The following MAP2K4 variants were observed in gnomAD, a reference collection of about 807,000 sequenced individuals.
MAP2K4 encodes the protein dual specificity mitogen-activated protein kinase kinase 4.
In MAP2K4, 4 loss-of-function variants were observed where a neutral mutation model predicts 48.5. The ratio of observed to expected loss-of-function variants is 0.08; its 90% confidence interval spans 0.04 to 0.19. The LOEUF is 0.19. Among genes scored for constraint, MAP2K4 ranks in the 10% least tolerant of loss-of-function variants. MAP2K4 has a pLI of 1.00. For missense variants in MAP2K4, 258 were observed against 493.3 expected (o/e 0.52, Z 4.52); for synonymous variants, 166 against 173.1 (o/e 0.96, Z 0.32).
chr17:12,112,632 T>A (rs1329517926), intron 6 of MAP2K4, among the ~76,000 whole-genome samples: 1 of 152,146 alleles, frequency 6.6e-6, no homozygotes, highest in Non-Finnish European at 1.5e-5. Flanking sequence ...TATTTTTTAT[T>A]CATTGAGCCA....
chr17:12,033,070 A>G lies in MAP2K4; in HGVS notation c.115+12069A>G, dbSNP rs559951334. Among the ~76,000 whole-genome samples the G allele has an allele frequency of 5.9e-5, 9 of 151,644 alleles. No individual in the cohort carries two copies. In the East Asian group the frequency reaches 1.5e-3, roughly 26 times the overall value. On this transcript the variant is annotated intron_variant, in intron 1 of 10. Transcript: ENST00000353533. ...AGGCTAGTCTCAAACTCCTGGGCTC[A>G]AGAGATCCTCCTTTCTTGGCCTCCC...
chr17:12,098,362 C>T (rs141369620), intron 4 of MAP2K4, among the ~76,000 whole-genome samples: 208 of 151,772 alleles, frequency 1.4e-3, no homozygotes, highest in African/African-American at 4.5e-3. Flanking sequence ...CCTGTAGTCC[C>T]GGCTACTTGG....
intron 2 of MAP2K4, chr17:12,069,910 T>C (rs867362493): frequency 0.024 from 1,207 of 49,920 alleles, 27 homozygotes; most frequent in South Asian, 0.063. Flanking sequence ...TATATATATA[T>C]ATATATATAT....
chr17:12,096,333 C>G (rs1971757410), intron 4 of MAP2K4, among the ~76,000 whole-genome samples: 1 of 151,870 alleles, frequency 6.6e-6, no homozygotes, highest in Non-Finnish European at 1.5e-5. Flanking sequence ...ATTTTGTGTC[C>G]CAACTTGGGT....
chr17:12,109,499 G>A (rs1306300433), intron 5 of MAP2K4, among the ~76,000 whole-genome samples: 1 of 152,126 alleles, frequency 6.6e-6, no homozygotes, highest in Non-Finnish European at 1.5e-5. Context: ...TCACCTTACA[G>A]CAAATAGTTG....
intron 1 of MAP2K4, among the ~76,000 whole-genome samples, chr17:12,034,688 G>A (rs527317618): frequency 6.6e-6 from 1 of 152,316 alleles, no homozygotes; most frequent in Admixed American, 6.5e-5. Flanking sequence ...GATTACATAA[G>A]TGTTCAACCA....
At chr17:12,089,222 A>T (rs568939418) in intron 3 of MAP2K4, among the ~76,000 whole-genome samples, 1 of 152,026 alleles carries the variant, frequency 6.6e-6, no homozygotes, top group African/African-American at 2.4e-5. Context: ...CAGAATACAG[A>T]TTCTTTTGGT....
At chr17:12,055,225 T>C (rs1023362966) in intron 2 of MAP2K4, among the ~76,000 whole-genome samples, 1 of 151,992 alleles carries the variant, frequency 6.6e-6, no homozygotes, top group African/African-American at 2.4e-5. Context: ...CAAAATAGAG[T>C]CCCATCTTAA....
Position 12,098,080 on chromosome 17 carries a change from ATAGTTTTACAATAAAAGTG to A in MAP2K4, c.513+2407_513+2425del, listed in dbSNP as rs967914580. 3.9e-5 allele frequency among the ~76,000 whole-genome samples: 6 copies of A among 152,220 alleles called. No homozygotes were observed. The South Asian group carries it at 6.2e-4, about 16-fold the overall frequency. On this transcript the variant is annotated intron_variant, in intron 4 of 10. Transcript: ENST00000353533. ...TTTACAATAAAAATATAGTTTTTCA[ATAGTTTTACAATAAAAGTG>A]TAGTTTTACAATAAAAGTGTTACTT...
At chr17:12,079,787 TC>T (rs976427256) in intron 2 of MAP2K4, among the ~76,000 whole-genome samples, 1 of 152,206 alleles carries the variant, frequency 6.6e-6, no homozygotes, top group Non-Finnish European at 1.5e-5. Context: ...TCAGGCTTAA[TC>T]TGTCTACTTC....
intron 4 of MAP2K4, among the ~76,000 whole-genome samples, chr17:12,101,769 TATA>T (rs1369372203): frequency 6.6e-6 from 1 of 152,112 alleles, no homozygotes; most frequent in Non-Finnish European, 1.5e-5. Flanking sequence ...CCCTTAAGTG[TATA>T]ATATTTTTAA....
chr17:12,105,607 T>G (rs953422508), intron 4 of MAP2K4, among the ~76,000 whole-genome samples: 2 of 152,060 alleles, frequency 1.3e-5, no homozygotes, highest in Non-Finnish European at 2.9e-5. Flanking sequence ...GGTCATCCTG[T>G]TTTCTGCTTG....
intron 2 of MAP2K4, among the ~76,000 whole-genome samples, chr17:12,061,053 T>G (rs542706019): frequency 2.0e-5 from 3 of 152,292 alleles, no homozygotes; most frequent in East Asian, 3.9e-4. Flanking sequence ...GTACCTCTCA[T>G]AAGTGGAATC....
In MAP2K4 at chr17:12,142,725, C is replaced by G. The variant is rs561848490; in HGVS notation, c.*1465C>G. ...CAAAACAAAACCCTCAGCACTGTTA[C>G]AAGAGGCCATTTAAGTATCTTGTGC... On this transcript the variant is annotated 3_prime_UTR_variant, in exon 11 of 11. Coordinates refer to ENST00000353533, the MANE Select transcript of MAP2K4 (RefSeq NM_003010.4). 8.6e-6 allele frequency: 2 copies of G among 233,012 alleles called. No homozygotes were observed. Among genetic ancestry groups the G allele is most frequent in the East Asian group, 6.0e-5 (1 of 16,560 alleles). The allele number at this position is 233,012 out of a possible 1,614,324, so 14.4% of individuals were successfully genotyped here.
intron 8 of MAP2K4, among the ~76,000 whole-genome samples, chr17:12,126,244 GAAC>G (rs1972848525): frequency 6.6e-6 from 1 of 152,124 alleles, no homozygotes; most frequent in Non-Finnish European, 1.5e-5. Context: ...TTCTACCTTA[GAAC>G]AACACTGAGA....
At chr17:12,123,428 T>C (rs1209887447) in intron 7 of MAP2K4, among the ~76,000 whole-genome samples, 1 of 152,206 alleles carries the variant, frequency 6.6e-6, no homozygotes, top group Non-Finnish European at 1.5e-5. Flanking sequence ...ATCTTTTCTT[T>C]TTCTGTGGGT....
At chr17:12,118,385 C>T (rs1170915580) in intron 7 of MAP2K4, among the ~76,000 whole-genome samples, 1 of 152,100 alleles carries the variant, frequency 6.6e-6, no homozygotes, top group Non-Finnish European at 1.5e-5. Flanking sequence ...AAGCTTGCAT[C>T]CTTCCTGTTT....
At chr17:12,108,568 C>A in intron 5 of MAP2K4, among the ~76,000 whole-genome samples, 1 of 149,082 alleles carries the variant, frequency 6.7e-6, no homozygotes, top group Non-Finnish European at 1.5e-5. Context: ...AATTTTTTTT[C>A]CTAAAGGAAA....
At chr17:12,112,854 T>C (rs1360801333) in intron 6 of MAP2K4, among the ~76,000 whole-genome samples, 1 of 152,214 alleles carries the variant, frequency 6.6e-6, no homozygotes, top group Non-Finnish European at 1.5e-5. Context: ...TTTTTTGATA[T>C]TCAGTTTTTA....
Sources: allele counts gnomAD v4.1 joint callset (sites outside exome capture counted in the v4.1 genomes callset), GRCh38; gene constraint gnomAD v4.1.1; transcripts MANE v1.5; gene names NCBI Gene and HGNC (gene_info 2026-07-23, HGNC 2026-07-21).